Variants in CHERP observed in about 807,000 individuals in gnomAD.
The protein encoded by CHERP is calcium homeostasis endoplasmic reticulum protein.
In CHERP, 8 loss-of-function variants were observed where a neutral mutation model predicts 113.8. The observed-to-expected ratio is 0.07, with a 90% CI of 0.04 to 0.13. CHERP has a LOEUF of 0.13. Among genes scored for constraint, CHERP ranks in the 10% least tolerant of loss-of-function variants. The pLI is 1.00. For synonymous variants in CHERP, 559 were observed against 524.5 expected (o/e 1.07, Z -0.90); for missense variants, 884 against 1,298.2 (o/e 0.68, Z 4.90).
At chr19:16,522,403 C>T (rs1017177065) in intron 11 of CHERP, among the ~76,000 whole-genome samples, 1 of 152,202 alleles carries the variant, frequency 6.6e-6, no homozygotes, top group East Asian at 1.9e-4. Flanking sequence ...GGACTACAGG[C>T]GTCTGCCACC....
At chr19:16,537,393 C>G (rs921792059) in intron 2 of CHERP, among the ~76,000 whole-genome samples, 3 of 152,176 alleles carry the variant, frequency 2.0e-5, no homozygotes, top group Admixed American at 2.0e-4. Flanking sequence ...GCAACATGAG[C>G]TACTCATTCC....
chr19:16,526,440 G>A (rs1223668406), intron 9 of CHERP, among the ~76,000 whole-genome samples: 1 of 152,196 alleles, frequency 6.6e-6, no homozygotes. Flanking sequence ...AAGCCAGAGA[G>A]CCAGATATTA....
intron 11 of CHERP, among the ~76,000 whole-genome samples, chr19:16,522,471 G>A (rs2085625772): frequency 1.3e-5 from 2 of 152,186 alleles, no homozygotes; most frequent in African/African-American, 4.8e-5. Context: ...GTGTTAGCCA[G>A]GATGGTCTCG....
Position 16,525,491 on chromosome 19 carries a change from T to C in CHERP, c.1492A>G (p.Ser498Gly), listed in dbSNP as rs2085651279. ...CCCCAGGGCGGCTGCTCGTGCTGGC[T>C]GTTCCAGGGGCCCTCGAACTGGCTG... Reference protein sequence around the residue: ...WNSQFEGPWNSQHEQPPWGGG... With the variant: ...WNSQFEGPWNGQHEQPPWGGG... Residue 498 changes from serine (S) to glycine (G), a missense_variant, in exon 10 of 17, where the codon AGC (serine) becomes GGC (glycine). Ser to Gly is a moderately conservative substitution (Grantham distance 56). This residue lies in a region of CHERP where 464 missense variants were observed against 590.1 expected (regional missense o/e 0.79). Transcript: ENST00000546361. This position sits in a 1 kb window ranked among gnomAD's most constrained non-coding sequence, Gnocchi z 6.5. 1 of 1,553,754 alleles carries C rather than the reference T, an allele frequency of 6.4e-7. No homozygotes were observed.
At chr19:16,524,768 T>A (rs1226630635) in intron 10 of CHERP, among the ~76,000 whole-genome samples, 1 of 151,438 alleles carries the variant, frequency 6.6e-6, no homozygotes, top group East Asian at 1.9e-4. Flanking sequence ...AGTAGTTTTT[T>A]GTTTTTTTTT....
Position 16,523,138 on chromosome 19 carries a change from G to A in CHERP, c.1894C>T (p.Pro632Ser), listed in dbSNP as rs1278552764. The A allele has an allele frequency of 1.3e-6, 2 of 1,557,042 alleles. No homozygotes were observed. The highest frequency in any genetic ancestry group is 1.7e-6 in the Non-Finnish European group (2 of 1,154,256). The part of the protein sequence containing the change: ...QPPHMRRQGP[P>S]HINHDDPSLV... Reference sequence around the variant, plus strand: ...CTGGGGTCATCGTGGTTGATGTGGGGTGGGCCCTGTCGCCGCATGTGTGGG... The same window carrying A: ...CTGGGGTCATCGTGGTTGATGTGGGATGGGCCCTGTCGCCGCATGTGTGGG... Residue 632 changes from proline (P) to serine (S), a missense_variant, in exon 11 of 17, where the codon CCC (proline) becomes TCC (serine). Pro to Ser is a moderately conservative substitution (Grantham distance 74). This residue lies in a region of CHERP where 464 missense variants were observed against 590.1 expected (regional missense o/e 0.79). Coordinates refer to ENST00000546361, the MANE Select transcript of CHERP (RefSeq NM_006387.6). This position sits in a 1 kb window ranked among gnomAD's most constrained non-coding sequence, Gnocchi z 4.0.
Position 16,523,437 on chromosome 19 carries a change from G to C in CHERP, c.1742-147C>G. The C allele has an allele frequency of 2.2e-6, 2 of 897,370 alleles. No individual in the cohort carries two copies. Among genetic ancestry groups the C allele is most frequent in the South Asian group, 3.2e-5 (2 of 61,682 alleles). 55.6% of individuals were successfully genotyped at this position (897,370 alleles called of 1,614,324 possible). On this transcript the variant is annotated intron_variant, in intron 10 of 16. Coordinates refer to ENST00000546361, the MANE Select transcript of CHERP (RefSeq NM_006387.6). The surrounding 1 kb of genome is among the most constrained non-coding windows in gnomAD (Gnocchi z 4.0). ...CATCTTCTCTCACTGCTTAAGACCA[G>C]GCAGCAAGGCACCGAGGAGCCAGGC...
rs58368673 is a variant in CHERP, at chr19:16,542,145, G to T, written c.26-102C>A. 3,600 of 1,371,172 alleles carry T rather than the reference G, an allele frequency of 2.6e-3. 78 individuals carry two copies. The African/African-American group carries it at 0.046, about 18-fold the overall frequency. The allele number at this position is 1,371,172 out of a possible 1,614,324, so 84.9% of individuals were successfully genotyped here. A position where few individuals can be genotyped will look rare whatever the true frequency, so the allele number is the denominator to read the frequency against. ...CGTCCGCCTTGCCGGGGACCCCAAG[G>T]GGGTGGGCCCCGAAGAGGCCGCCCT... On this transcript the variant is annotated intron_variant, in intron 1 of 16. Coordinates refer to ENST00000546361, the MANE Select transcript of CHERP (RefSeq NM_006387.6).
At position 16,538,551 on chromosome 19, in the gene CHERP, C is replaced by T. The variant is rs187991178; in HGVS notation, c.200-2915G>A. 1.6e-3 allele frequency among the ~76,000 whole-genome samples: 251 copies of T among 152,266 alleles called. 1 individual carries two copies. Among genetic ancestry groups the T allele is most frequent in the Middle Eastern group, 6.8e-3 (2 of 294 alleles). On this transcript the variant is annotated intron_variant, in intron 2 of 16. Coordinates refer to ENST00000546361, the MANE Select transcript of CHERP (RefSeq NM_006387.6). ...TACAAAAATTAGCTGGGTGTGGTGG[C>T]GCACGCCTGTAGTCCCAGCTACTTG...
At position 16,519,488 on chromosome 19, in the gene CHERP, G is replaced by A. The variant is rs920722955; in HGVS notation, c.2557+133C>T. The A allele has an allele frequency of 4.0e-6, 5 of 1,247,966 alleles. No individual in the cohort carries two copies. In the East Asian group the frequency reaches 9.3e-5, roughly 23 times the overall value. 77.3% of individuals were successfully genotyped at this position (1,247,966 alleles called of 1,614,324 possible). On this transcript the variant is annotated intron_variant, in intron 16 of 16. Coordinates refer to ENST00000546361, the MANE Select transcript of CHERP (RefSeq NM_006387.6). The surrounding 1 kb of genome is among the most constrained non-coding windows in gnomAD (Gnocchi z 6.0). Reference sequence around the variant, plus strand: ...AACCCGCAGGCCGGCCCTGTCTAGAGGGTCTGGGTGGAGTCAGAACCGGCC... The same window carrying A: ...AACCCGCAGGCCGGCCCTGTCTAGAAGGTCTGGGTGGAGTCAGAACCGGCC...
Position 16,530,567 on chromosome 19 carries a change from G to A in CHERP, c.876+18C>T, listed in dbSNP as rs137916917. Reference sequence around the variant, plus strand: ...GCCCCAGCTCTAGGGTGAGGTGTGGGTGGGCAGGGACACTCACCTGGTACT... The same window carrying A: ...GCCCCAGCTCTAGGGTGAGGTGTGGATGGGCAGGGACACTCACCTGGTACT... On this transcript the variant is annotated intron_variant, in intron 7 of 16. Coordinates refer to ENST00000546361, the MANE Select transcript of CHERP (RefSeq NM_006387.6). The surrounding 1 kb of genome is among the most constrained non-coding windows in gnomAD (Gnocchi z 4.1). 0.012 allele frequency: 20,078 copies of A among 1,611,010 alleles called. 191 individuals carry two copies. Among genetic ancestry groups the A allele is most frequent in the Middle Eastern group, 0.03 (182 of 6,054 alleles).
intron 5 of CHERP, 140 bp from the exon 6 acceptor site, chr19:16,531,020 C>T: frequency 1.5e-6 from 2 of 1,370,232 alleles, no homozygotes; most frequent in South Asian, 1.4e-5. Flanking sequence ...GATGGCTGGG[C>T]TCCCACGAGA....
At position 16,523,073 on chromosome 19, in the gene CHERP, C is replaced by T; in HGVS notation, c.1959G>A (p.Gly653=). The T allele has an allele frequency of 1.3e-6, 2 of 1,524,240 alleles. No homozygotes were observed. The highest frequency in any genetic ancestry group is 1.8e-6 in the Non-Finnish European group (2 of 1,139,458). The allele number at this position is 1,524,240 out of a possible 1,614,324, so 94.4% of individuals were successfully genotyped here. A position where few individuals can be genotyped will look rare whatever the true frequency, so the allele number is the denominator to read the frequency against. Residue 653 remains glycine (G), a synonymous_variant, in exon 11 of 17, where the codon GGG becomes GGA. Transcript: ENST00000546361. This position sits in a 1 kb window ranked among gnomAD's most constrained non-coding sequence, Gnocchi z 4.0. The part of the protein sequence containing the change: ...PNVPYFDLPA[G]LMAPLVKLED... ...TTACCTTCACGAGGGGGGCCATCAG[C>T]CCAGCAGGGAGATCGAAGTAGGGCA...
In CHERP at chr19:16,519,360, C is replaced by T. The variant is rs747932438; in HGVS notation, c.2558-8G>A. 6.2e-7 allele frequency: 1 copy of T among 1,608,276 alleles called. No homozygotes were observed. Among genetic ancestry groups the T allele is most frequent in the East Asian group, 2.2e-5 (1 of 44,860 alleles). On this transcript the variant is annotated splice_polypyrimidine_tract_variant and splice_region_variant and intron_variant, in intron 16 of 16. Transcript: ENST00000546361. This position sits in a 1 kb window ranked among gnomAD's most constrained non-coding sequence, Gnocchi z 6.0. ...CGCCTGAGCCGCTCCAGCCTGGAAA[C>T]AGAGACGCAGTCACAACCACAACAA...
At chr19:16,541,229 TTTA>T (rs2085777339) in intron 2 of CHERP, 1 of 152,158 alleles carries the variant, frequency 6.6e-6, no homozygotes, top group Non-Finnish European at 1.5e-5. Flanking sequence ...TAGTTATTCA[TTTA>T]AACAATCTAG....
Position 16,520,537 on chromosome 19 carries a change from C to T in CHERP, c.2202-30G>A. ...GGGGAGAGGCCTGATGATCAGGTGC[C>T]CCAGTGGATGGGCTGCACCCAGCCC... On this transcript the variant is annotated intron_variant, in intron 13 of 16. Transcript: ENST00000546361. This position sits in a 1 kb window ranked among gnomAD's most constrained non-coding sequence, Gnocchi z 4.0. 3.8e-6 allele frequency: 6 copies of T among 1,599,080 alleles called. No homozygotes were observed. Among genetic ancestry groups the T allele is most frequent in the Non-Finnish European group, 5.1e-6 (6 of 1,172,016 alleles).
chr19:16,527,798 T>C (rs749749368), intron 9 of CHERP, among the ~76,000 whole-genome samples: 2 of 152,222 alleles, frequency 1.3e-5, no homozygotes, highest in Non-Finnish European at 2.9e-5. Context: ...CTGCCGTGCC[T>C]TGCAGCGTTA....
At chr19:16,522,021 G>T (rs955661880) in intron 11 of CHERP, among the ~76,000 whole-genome samples, 4 of 152,128 alleles carry the variant, frequency 2.6e-5, no homozygotes, top group Non-Finnish European at 5.9e-5. Context: ...CCCCCGCTCA[G>T]AACAGCCTCA....
chr19:16,523,490 G>T lies in CHERP; in HGVS notation c.1742-200C>A, dbSNP rs1371842772. ...CGAGGGGCCTGTCCCGCACCCATAG[G>T]CACAGCCGAGGGAGCTTGAGGCTGA... On this transcript the variant is annotated intron_variant, in intron 10 of 16. Coordinates refer to ENST00000546361, the MANE Select transcript of CHERP (RefSeq NM_006387.6). This position sits in a 1 kb window ranked among gnomAD's most constrained non-coding sequence, Gnocchi z 4.0. Among the ~76,000 whole-genome samples the T allele has an allele frequency of 6.6e-6, 1 of 152,084 alleles. No individual in the cohort carries two copies. The highest frequency in any genetic ancestry group is 1.5e-5 in the Non-Finnish European group (1 of 68,026).
Sources: allele counts gnomAD v4.1 joint callset (sites outside exome capture counted in the v4.1 genomes callset), GRCh38; gene constraint gnomAD v4.1.1; regional missense constraint gnomAD v4.1.1; non-coding constraint Gnocchi (gnomAD v3.1); transcripts MANE v1.5; gene names NCBI Gene and HGNC (gene_info 2026-07-23, HGNC 2026-07-21).